The following EPHX1 variants were observed in gnomAD, a reference collection of about 807,000 sequenced individuals.
EPHX1 encodes epoxide hydratase.
In EPHX1, 40 loss-of-function variants were observed where a neutral mutation model predicts 43.2. That is an observed-to-expected ratio of 0.93 (90% CI 0.72 to 1.21). EPHX1 has a LOEUF of 1.21. Among genes scored for constraint, EPHX1 ranks in the 50% most tolerant of loss-of-function variants. The probability of loss-of-function intolerance (pLI) is 0.00; values close to 1 mark genes in which losing one functional copy is unlikely to be tolerated. For synonymous variants in EPHX1, 221 were observed against 226.7 expected (o/e 0.98, Z 0.22); for missense variants, 550 against 570.4 (o/e 0.96, Z 0.36).
At chr1:225,830,745 G>A (rs377735066) in intron 2 of EPHX1, among the ~76,000 whole-genome samples, 4 of 152,138 alleles carry the variant, frequency 2.6e-5, no homozygotes, top group East Asian at 3.9e-4. Flanking sequence ...GATTACAGGC[G>A]TGAACCACCG....
At chr1:225,830,311 C>T (rs1434805593) in intron 2 of EPHX1, among the ~76,000 whole-genome samples, 1 of 152,098 alleles carries the variant, frequency 6.6e-6, no homozygotes, top group Non-Finnish European at 1.5e-5. Context: ...CTGAGATTTC[C>T]AAAATCTGTT....
chr1:225,836,093 A>C (rs1667949318), intron 3 of EPHX1, among the ~76,000 whole-genome samples: 1 of 151,166 alleles, frequency 6.6e-6, no homozygotes, highest in African/African-American at 2.4e-5. Flanking sequence ...GTATGGTTCT[A>C]TTTTTGTTAA....
chr1:225,834,863 G>A (rs913673419), intron 3 of EPHX1, among the ~76,000 whole-genome samples: 4 of 152,150 alleles, frequency 2.6e-5, no homozygotes, highest in African/African-American at 7.2e-5. Flanking sequence ...CTAACAGGGC[G>A]CCTGCTGTAC....
At chr1:225,837,763 A>G (rs903430009) in intron 3 of EPHX1, among the ~76,000 whole-genome samples, 1 of 151,920 alleles carries the variant, frequency 6.6e-6, no homozygotes, top group Non-Finnish European at 1.5e-5. Context: ...TAGGTGATCC[A>G]CCCGCCTCAG....
At chr1:225,828,644 C>A in intron 1 of EPHX1, 81 bp from the exon 2 acceptor site, 1 of 1,454,002 alleles carries the variant, frequency 6.9e-7, no homozygotes, top group Non-Finnish European at 9.6e-7. Flanking sequence ...CAGGAAAGAG[C>A]CTGCTGGGGA....
chr1:225,839,741 C>CCCCGAGG, intron 5 of EPHX1, 88 bp from the exon 6 acceptor site: 1 of 1,395,862 alleles, frequency 7.2e-7, no homozygotes, highest in East Asian at 2.3e-5. Context: ...CGCTCCTCAG[C>CCCCGAGG]CCTGAGGCCT....
rs185492155 is a variant in EPHX1, at chr1:225,820,372, G to A, written c.-5-8353G>A. On this transcript the variant is annotated intron_variant, in intron 1 of 8. Coordinates refer to ENST00000272167, the MANE Select transcript of EPHX1 (RefSeq NM_001136018.4). The stretch of plus-strand genomic sequence containing the variant: ...CAAAGTGCTGGGATTACAAGCATGA[G>A]CCACCACGCCTGTCCCCAAGTATAT... 5.9e-3 allele frequency among the ~76,000 whole-genome samples: 900 copies of A among 152,254 alleles called. 13 individuals carry two copies. Among genetic ancestry groups the A allele is most frequent in the African/African-American group, 0.021 (855 of 41,534 alleles).
At chr1:225,821,875 C>T (rs1384547697) in intron 1 of EPHX1, among the ~76,000 whole-genome samples, 1 of 152,128 alleles carries the variant, frequency 6.6e-6, no homozygotes, top group Admixed American at 6.6e-5. Context: ...AAGAACAAAG[C>T]ACCTACTTTA....
chr1:225,838,687 C>G lies in EPHX1; in HGVS notation c.398C>G (p.Pro133Arg), dbSNP rs1233021693. 8.7e-6 allele frequency: 14 copies of G among 1,614,050 alleles called. No individual in the cohort carries two copies. The highest frequency in any genetic ancestry group is 1.7e-5 in the Admixed American group (1 of 60,008). ...ATCCACTTCATCCACGTGAAGCCCCCCCAGCTGCCCGCAGGCCATACCCCG... is the reference window on the plus strand; with the variant it reads ...ATCCACTTCATCCACGTGAAGCCCCGCCAGCTGCCCGCAGGCCATACCCCG... ...LDIHFIHVKPPQLPAGHTPKP... is the reference protein window; with the variant it reads ...LDIHFIHVKPRQLPAGHTPKP... Residue 133 changes from proline (P) to arginine (R), a missense_variant, in exon 4 of 9, where the codon CCC becomes CGC. Physicochemically the swap from Pro to Arg is moderately radical, Grantham distance 103. Coordinates refer to ENST00000272167, the MANE Select transcript of EPHX1 (RefSeq NM_001136018.4).
intron 7 of EPHX1, among the ~76,000 whole-genome samples, chr1:225,844,290 TAA>T (rs969923543): frequency 6.6e-6 from 1 of 151,852 alleles, no homozygotes; most frequent in African/African-American, 2.4e-5. Context: ...CTTGGGGTGA[TAA>T]GAGACACTTC....
chr1:225,827,691 G>A (rs1307606510), intron 1 of EPHX1, among the ~76,000 whole-genome samples: 2 of 152,236 alleles, frequency 1.3e-5, no homozygotes, highest in African/African-American at 2.4e-5. Context: ...TCTCCGTGCC[G>A]ATGAAAATGT....
intron 7 of EPHX1, 103 bp downstream of exon 7, chr1:225,842,577 C>T: frequency 1.2e-6 from 1 of 866,454 alleles, no homozygotes. Flanking sequence ...GGGCACTCAG[C>T]AAATTCTATT....
At chr1:225,832,592 GTAATTCTGCGTT>G (rs1404198570) in intron 3 of EPHX1, among the ~76,000 whole-genome samples, 2 of 152,240 alleles carry the variant, frequency 1.3e-5, no homozygotes, top group East Asian at 3.8e-4. Flanking sequence ...GGATCATACG[GTAATTCTGCGTT>G]TAATTTTCTG....
At chr1:225,822,197 TC>T (rs1291467328) in intron 1 of EPHX1, among the ~76,000 whole-genome samples, 1 of 152,190 alleles carries the variant, frequency 6.6e-6, no homozygotes, top group East Asian at 1.9e-4. Context: ...GAGCTCAGTA[TC>T]TTGTAGCTAA....
At chr1:225,844,381 G>A in intron 7 of EPHX1, 117 bp from the exon 8 acceptor site, 1 of 1,510,976 alleles carries the variant, frequency 6.6e-7, no homozygotes, top group Non-Finnish European at 9.2e-7. Context: ...CGTTGCATGA[G>A]GTCTGAGGAG....
Position 225,845,201 on chromosome 1 carries a change from A to G in EPHX1, c.1222A>G (p.Thr408Ala). 6.2e-7 allele frequency: 1 copy of G among 1,614,086 alleles called. No individual in the cohort carries two copies. Among genetic ancestry groups the G allele is most frequent in the Non-Finnish European group, 8.5e-7 (1 of 1,180,012 alleles). The change falls in exon 9 of 9, where the codon ACG becomes GCG. Residue 408 changes from threonine (T) to alanine (A), a missense_variant. Coordinates refer to ENST00000272167, the MANE Select transcript of EPHX1 (RefSeq NM_001136018.4). ...FSAFPFELLHTPEKWVRFKYP... is the reference protein window; with the variant it reads ...FSAFPFELLHAPEKWVRFKYP... ...TGCCTTCCCTTTTGAGCTATTGCAC[A>G]CGCCTGAAAAGTGGGTGAGGTTCAA... is the stretch of plus-strand genomic sequence containing the variant.
At chr1:225,827,157 C>G (rs1667288125) in intron 1 of EPHX1, among the ~76,000 whole-genome samples, 1 of 152,190 alleles carries the variant, frequency 6.6e-6, no homozygotes, top group Admixed American at 6.5e-5. Context: ...AACCCCCCAG[C>G]AGAGTCCCAA....
intron 3 of EPHX1, among the ~76,000 whole-genome samples, chr1:225,833,719 C>G (rs967655557): frequency 2.0e-5 from 3 of 149,610 alleles, no homozygotes; most frequent in Non-Finnish European, 3.0e-5. Flanking sequence ...GGCGTGAACC[C>G]AGGAGATGGA....
intron 2 of EPHX1, 98 bp from the exon 3 acceptor site, chr1:225,831,681 G>A: frequency 8.0e-7 from 1 of 1,247,746 alleles, no homozygotes; most frequent in Non-Finnish European, 1.2e-6. Context: ...GCAGTATCTT[G>A]TGGCTGCAGG....
Sources: gnomAD v4.1 joint callset for allele counts (sites outside exome capture counted in the v4.1 genomes callset) on GRCh38, gnomAD v4.1.1 for gene constraint, MANE v1.5 for transcripts, NCBI Gene and HGNC (gene_info 2026-07-23, HGNC 2026-07-21) for gene names.